Variants in ORAI2 observed in about 807,000 individuals in gnomAD.
ORAI2 encodes ORAI calcium release-activated calcium modulator 2.
ORAI2 carries 10 observed loss-of-function variants against 16.2 expected under a neutral mutation model. The ratio of observed to expected loss-of-function variants is 0.62; its 90% CI spans 0.38 to 1.04. The LOEUF is 1.04. Among genes scored for constraint, ORAI2 ranks in the 50% least tolerant of loss-of-function variants. The pLI, the probability that ORAI2 is intolerant of heterozygous loss-of-function variation, is 0.01. For missense variants in ORAI2, 238 were observed against 355.5 expected (o/e 0.67, Z 2.66); for synonymous variants, 150 against 157.5 (o/e 0.95, Z 0.35).
chr7:102,452,137 T>C lies in ORAI2; in HGVS notation c.*5085T>C, dbSNP rs1212755603. The C allele has an allele frequency of 1.5e-5, 2 of 135,386 alleles. No homozygotes were observed. Among genetic ancestry groups the C allele is most frequent in the Non-Finnish European group, 1.6e-5 (1 of 64,490 alleles). The allele number at this position is 135,386 out of a possible 1,614,324, so 8.4% of individuals were successfully genotyped here. A position where few individuals can be genotyped will look rare whatever the true frequency, so the allele number is the denominator to read the frequency against. ...ACTGCTAAGGAAGCACCAGACAGCC[T>C]TTTTTTTTTTTTTGAGACAGAGTCG... is the stretch of plus-strand genomic sequence containing the variant. On this transcript the variant is annotated 3_prime_UTR_variant, in exon 4 of 4. Transcript: ENST00000495936.
At chr7:102,434,485 A>T (rs1586705517) in intron 1 of ORAI2, among the ~76,000 whole-genome samples, 1 of 152,170 alleles carries the variant, frequency 6.6e-6, no homozygotes, top group Non-Finnish European at 1.5e-5. Context: ...GGCGGCTCCC[A>T]GGAAGCCACC....
At position 102,447,986 on chromosome 7, in the gene ORAI2, G is replaced by C. The variant is rs1035297751; in HGVS notation, c.*934G>C. ...TTGGGCTGTGGCAGCAGGAGGCGGG[G>C]GCTCTGGCTCAGGCCCCGGAGCCTG... On this transcript the variant is annotated 3_prime_UTR_variant, in exon 4 of 4. Coordinates refer to ENST00000495936, the MANE Select transcript of ORAI2 (RefSeq NM_001126340.3). 3 of 152,326 alleles carry C rather than the reference G, an allele frequency of 2.0e-5. No homozygotes were observed. 9.4% of individuals were successfully genotyped at this position (152,326 alleles called of 1,614,324 possible).
rs559360066 is a variant in ORAI2 at position 102,448,696 on chromosome 7, G to C, written c.*1644G>C. 3.0e-4 allele frequency: 43 copies of C among 141,284 alleles called. No individual in the cohort carries two copies. Among genetic ancestry groups the C allele is most frequent in the African/African-American group, 9.5e-4 (35 of 36,966 alleles). 8.8% of individuals were successfully genotyped at this position (141,284 alleles called of 1,614,324 possible). ...GGCGCCACTGCACTCCAGCCTGGGC[G>C]ACAGAGCCAGACTCCATCTCAAAAA... is the stretch of plus-strand genomic sequence containing the variant. On this transcript the variant is annotated 3_prime_UTR_variant, in exon 4 of 4. Coordinates refer to ENST00000495936, the MANE Select transcript of ORAI2 (RefSeq NM_001126340.3).
rs1023111277 is a variant in ORAI2, at chr7:102,454,636, G to GCC, written c.*7588_*7589dup. On this transcript the variant is annotated 3_prime_UTR_variant, in exon 4 of 4. Transcript: ENST00000495936. ...GAAGCGGCTGAGGGATGTCAGCTGA[G>GCC]CCCCCGCTGGGCCTGCTCTGGAGCG... The GCC allele has an allele frequency of 6.6e-5, 10 of 152,460 alleles. No individual in the cohort carries two copies. The highest frequency in any genetic ancestry group is 1.5e-4 in the Non-Finnish European group (10 of 68,084). The allele number at this position is 152,460 out of a possible 1,614,324, so 9.4% of individuals were successfully genotyped here. A position where few individuals can be genotyped will look rare whatever the true frequency, so the allele number is the denominator to read the frequency against.
In ORAI2 at chr7:102,449,203, T is replaced by C. The variant is rs1334990473; in HGVS notation, c.*2151T>C. 3 of 152,212 alleles carry C rather than the reference T, an allele frequency of 2.0e-5. No individual in the cohort carries two copies. The highest frequency in any genetic ancestry group is 7.2e-5 in the African/African-American group (3 of 41,452). 9.4% of individuals were successfully genotyped at this position (152,212 alleles called of 1,614,324 possible). On this transcript the variant is annotated 3_prime_UTR_variant, in exon 4 of 4. Transcript: ENST00000495936. Reference sequence around the variant, plus strand: ...TGTCTGCGACCTTTGCCCTCCAGCATGTATGTACTTTCCTGCAGCCTGTAG... The same window carrying C: ...TGTCTGCGACCTTTGCCCTCCAGCACGTATGTACTTTCCTGCAGCCTGTAG...
chr7:102,435,414 C>G (rs1327785952), intron 1 of ORAI2, among the ~76,000 whole-genome samples: 3 of 152,110 alleles, frequency 2.0e-5, no homozygotes, highest in African/African-American at 7.2e-5. Flanking sequence ...AAGGGCCGCT[C>G]TGTCCCCTCC....
chr7:102,445,093 C>G (rs945077722), intron 3 of ORAI2, among the ~76,000 whole-genome samples: 2 of 152,254 alleles, frequency 1.3e-5, no homozygotes, highest in Non-Finnish European at 2.9e-5. Context: ...GCCATGCCTC[C>G]TTTCCACAGC....
At chr7:102,446,399 G>A in intron 3 of ORAI2, 114 bp from the exon 4 acceptor site, 2 of 1,138,734 alleles carry the variant, frequency 1.8e-6, no homozygotes, top group Non-Finnish European at 2.4e-6. Flanking sequence ...GCAAGCCCAT[G>A]GCTACCCTGT....
At chr7:102,446,001 T>G (rs1352153307) in intron 3 of ORAI2, among the ~76,000 whole-genome samples, 2 of 151,858 alleles carry the variant, frequency 1.3e-5, no homozygotes, top group Non-Finnish European at 2.9e-5. Context: ...CAGGCTGGAG[T>G]GCAGTGGTGA....
At chr7:102,443,379 C>T (rs903748725) in intron 3 of ORAI2, among the ~76,000 whole-genome samples, 4 of 150,260 alleles carry the variant, frequency 2.7e-5, no homozygotes, top group African/African-American at 7.4e-5. Context: ...TCCGGGTTCA[C>T]GCCATTCTCC....
At chr7:102,440,332 C>T (rs549088261) in intron 3 of ORAI2, among the ~76,000 whole-genome samples, 3 of 152,098 alleles carry the variant, frequency 2.0e-5, no homozygotes, top group Admixed American at 6.6e-5. Context: ...TGGCTCCCAG[C>T]GGCCGCCTTC....
chr7:102,443,348 G>A (rs532838472), intron 3 of ORAI2, among the ~76,000 whole-genome samples: 50 of 147,294 alleles, frequency 3.4e-4, no homozygotes, highest in Middle Eastern at 7.0e-3. Context: ...GCGCGATCTC[G>A]GCTCACTGCA....
rs551927233 is a variant in ORAI2 at position 102,452,455 on chromosome 7, A to T, written c.*5403A>T. 6.6e-6 allele frequency: 1 copy of T among 151,326 alleles called. No homozygotes were observed. Among genetic ancestry groups the T allele is most frequent in the East Asian group, 2.0e-4 (1 of 5,106 alleles). 9.4% of individuals were successfully genotyped at this position (151,326 alleles called of 1,614,324 possible). On this transcript the variant is annotated 3_prime_UTR_variant, in exon 4 of 4. Coordinates refer to ENST00000495936, the MANE Select transcript of ORAI2 (RefSeq NM_001126340.3). The stretch of plus-strand genomic sequence containing the variant: ...ATGTTTATAGATTTATTTTAGAGAC[A>T]GGGTTGGGCTCTATTGCCCAGGCCA...
rs1403902568 is a variant in ORAI2, at chr7:102,447,394, A to G, written c.*342A>G. 1.1e-5 allele frequency: 3 copies of G among 265,650 alleles called. No homozygotes were observed. The highest frequency in any genetic ancestry group is 6.7e-5 in the African/African-American group (3 of 44,956). 16.5% of individuals were successfully genotyped at this position (265,650 alleles called of 1,614,324 possible). A position where few individuals can be genotyped will look rare whatever the true frequency, so the allele number is the denominator to read the frequency against. ...ACCCAGCGGTCCGGGGGAGTCTCAG[A>G]CCCGGCATGCGTGGCTGGCAGACCT... On this transcript the variant is annotated 3_prime_UTR_variant, in exon 4 of 4. Coordinates refer to ENST00000495936, the MANE Select transcript of ORAI2 (RefSeq NM_001126340.3).
intron 2 of ORAI2, among the ~76,000 whole-genome samples, chr7:102,438,004 G>A (rs574451379): frequency 1.4e-4 from 22 of 152,224 alleles, no homozygotes; most frequent in South Asian, 8.3e-4. Flanking sequence ...AGCTGTGATC[G>A]TACCACTGCA....
At position 102,455,559 on chromosome 7, in the gene ORAI2, G is replaced by GC. The variant is rs1797625290; in HGVS notation, c.*8508dup. On this transcript the variant is annotated 3_prime_UTR_variant, in exon 4 of 4. Coordinates refer to ENST00000495936, the MANE Select transcript of ORAI2 (RefSeq NM_001126340.3). The stretch of plus-strand genomic sequence containing the variant: ...TGTGCATCGTTCTCCAGATGTTGGA[G>GC]CATCCTGCAGGGGCCAGCCCAGCCT... 1 of 152,280 alleles carries GC rather than the reference G, an allele frequency of 6.6e-6. No homozygotes were observed. Among genetic ancestry groups the GC allele is most frequent in the South Asian group, 2.1e-4 (1 of 4,834 alleles). 9.4% of individuals were successfully genotyped at this position (152,280 alleles called of 1,614,324 possible). A position where few individuals can be genotyped will look rare whatever the true frequency, so the allele number is the denominator to read the frequency against.
chr7:102,446,343 C>G (rs983337729), intron 3 of ORAI2, among the ~76,000 whole-genome samples, 170 bp from the exon 4 acceptor site: 2 of 152,246 alleles, frequency 1.3e-5, no homozygotes, highest in Non-Finnish European at 2.9e-5. Context: ...AGGAGGTTGC[C>G]CTCTGGTCTT....
At chr7:102,441,914 T>C (rs1797215000) in intron 3 of ORAI2, among the ~76,000 whole-genome samples, 2 of 152,234 alleles carry the variant, frequency 1.3e-5, no homozygotes, top group South Asian at 4.1e-4. Flanking sequence ...TCAGAAACTG[T>C]AGCTGAGTCG....
At chr7:102,434,146 G>T (rs1172249481) in intron 1 of ORAI2, among the ~76,000 whole-genome samples, 18 of 77,688 alleles carry the variant, frequency 2.3e-4, no homozygotes. Flanking sequence ...AAAAAAAAAA[G>T]CAACCCCACA....
Sources: allele counts gnomAD v4.1 joint callset (sites outside exome capture counted in the v4.1 genomes callset), GRCh38; gene constraint gnomAD v4.1.1; transcripts MANE v1.5; gene names NCBI Gene and HGNC (gene_info 2026-07-23, HGNC 2026-07-21).